The following ICA1L variants were observed in gnomAD, a reference collection of about 807,000 sequenced individuals.
ICA1L encodes the protein islet cell autoantigen 1-like protein.
Under a neutral mutation model 61.3 loss-of-function variants are expected in ICA1L, and 50 were observed. That is an observed-to-expected ratio of 0.82 (90% CI 0.65 to 1.03). ICA1L has a LOEUF of 1.03. Ranked by LOEUF, ICA1L falls within the 50% of genes least tolerant of loss-of-function variation. The pLI is 0.00. For missense variants in ICA1L, 508 were observed against 556.7 expected (o/e 0.91, Z 0.88); for synonymous variants, 161 against 191.3 (o/e 0.84, Z 1.31).
At chr2:202,802,348 A>T (rs1693106101) in intron 9 of ICA1L, among the ~76,000 whole-genome samples, 1 of 152,136 alleles carries the variant, frequency 6.6e-6, no homozygotes, top group Non-Finnish European at 1.5e-5. Context: ...CCATAAGCTT[A>T]TTAGAGTTCT....
chr2:202,803,642 C>T (rs975572984), intron 9 of ICA1L, among the ~76,000 whole-genome samples: 1 of 152,036 alleles, frequency 6.6e-6, no homozygotes. Flanking sequence ...CTCAACTGAT[C>T]GTTCCTCCTC....
rs183782525 is a variant in ICA1L at position 202,795,641 on chromosome 2, C to T, written c.985+1249G>A. ...ACTATGTGGCACTGGTGCATGCACACACCATTTGAAATATAAACAAAGTCT... is the reference window on the plus strand; with the variant it reads ...ACTATGTGGCACTGGTGCATGCACATACCATTTGAAATATAAACAAAGTCT... On this transcript the variant is annotated intron_variant, in intron 10 of 12. Transcript: ENST00000358299. Among the ~76,000 whole-genome samples the T allele has an allele frequency of 2.0e-5, 3 of 152,012 alleles. No homozygotes were observed. In the East Asian group the frequency reaches 5.8e-4, roughly 29 times the overall value.
At chr2:202,808,646 G>A (rs1466225329) in intron 9 of ICA1L, among the ~76,000 whole-genome samples, 4 of 152,214 alleles carry the variant, frequency 2.6e-5, no homozygotes, top group African/African-American at 7.2e-5. Flanking sequence ...GGAGGCCCAG[G>A]CTGAGACCCA....
chr2:202,854,042 A>G (rs1404334225), intron 1 of ICA1L, among the ~76,000 whole-genome samples: 1 of 152,226 alleles, frequency 6.6e-6, no homozygotes, highest in East Asian at 1.9e-4. Flanking sequence ...ACACTTAACA[A>G]TATTAACCTT....
intron 9 of ICA1L, among the ~76,000 whole-genome samples, chr2:202,800,123 T>C (rs924399805): frequency 6.6e-6 from 1 of 151,998 alleles, no homozygotes; most frequent in Non-Finnish European, 1.5e-5. Context: ...CTTGGTGATC[T>C]GCCCGCCTTG....
chr2:202,841,373 C>T (rs1054223333), intron 1 of ICA1L: 11 of 886,674 alleles, frequency 1.2e-5, no homozygotes, highest in Middle Eastern at 2.8e-4. Context: ...ACATGTTGTC[C>T]GTGTTGCTCT....
chr2:202,798,285 T>A (rs1241382891), intron 9 of ICA1L, among the ~76,000 whole-genome samples: 1 of 152,136 alleles, frequency 6.6e-6, no homozygotes, highest in Non-Finnish European at 1.5e-5. Flanking sequence ...TGGAGTGCAA[T>A]GGTGTGATCA....
At chr2:202,828,740 AT>A in intron 2 of ICA1L, 107 bp downstream of exon 2, 1 of 849,152 alleles carries the variant, frequency 1.2e-6, no homozygotes, top group South Asian at 1.6e-5. Context: ...CTATTATCAA[AT>A]TTGCATTTAT....
intron 1 of ICA1L, among the ~76,000 whole-genome samples, chr2:202,855,088 C>A (rs1051527584): frequency 4.3e-4 from 65 of 152,300 alleles, no homozygotes; most frequent in African/African-American, 1.4e-3. Flanking sequence ...TAAAGAAGTT[C>A]TTTGAAACCA....
intron 1 of ICA1L, chr2:202,841,889 G>C: frequency 3.9e-6 from 1 of 254,548 alleles, no homozygotes; most frequent in Non-Finnish European, 7.7e-6. Context: ...ATAGAGTTTT[G>C]TTCTTGTTGC....
chr2:202,788,395 A>G (rs1415671524), intron 11 of ICA1L, among the ~76,000 whole-genome samples: 2 of 152,188 alleles, frequency 1.3e-5, no homozygotes, highest in African/African-American at 2.4e-5. Context: ...CCCAAGGTGC[A>G]GGGTTGGACA....
intron 1 of ICA1L, chr2:202,840,516 G>C (rs1694297059): frequency 1.8e-6 from 1 of 542,372 alleles, no homozygotes; most frequent in Non-Finnish European, 3.6e-6. Flanking sequence ...GCCGAGCTCA[G>C]ACCACCTGCA....
At chr2:202,864,647 G>GTGTGTGTGTGTGTGTGTGTGTA (rs1553539143) in intron 1 of ICA1L, among the ~76,000 whole-genome samples, 2 of 148,652 alleles carry the variant, frequency 1.3e-5, no homozygotes, top group Non-Finnish European at 3.0e-5. Context: ...GTGTGTGTGT[G>GTGTGTGTGTGTGTGTGTGTGTA]TATATATATA....
At chr2:202,785,295 A>C (rs1318411170) in intron 12 of ICA1L, among the ~76,000 whole-genome samples, 2 of 152,118 alleles carry the variant, frequency 1.3e-5, no homozygotes. Flanking sequence ...TTCTTTGTCA[A>C]TAGGCATCCT....
At chr2:202,782,922 T>C (rs374695867) in intron 12 of ICA1L, among the ~76,000 whole-genome samples, 30 of 152,186 alleles carry the variant, frequency 2.0e-4, no homozygotes, top group African/African-American at 7.2e-4. Context: ...AAAGTATAAC[T>C]ATAAGTACTC....
At chr2:202,795,915 C>G (rs1293223074) in intron 10 of ICA1L, among the ~76,000 whole-genome samples, 1 of 151,506 alleles carries the variant, frequency 6.6e-6, no homozygotes, top group Admixed American at 6.6e-5. Flanking sequence ...TGGTGGCGCA[C>G]GCCTGTAATC....
intron 1 of ICA1L, among the ~76,000 whole-genome samples, chr2:202,857,889 C>T (rs1301818232): frequency 7.2e-5 from 11 of 152,098 alleles, no homozygotes; most frequent in Non-Finnish European, 1.6e-4. Flanking sequence ...TCACTGGTCA[C>T]TAGAGAAATG....
intron 1 of ICA1L, among the ~76,000 whole-genome samples, chr2:202,837,538 T>C (rs1373567079): frequency 6.6e-6 from 1 of 152,152 alleles, no homozygotes; most frequent in Non-Finnish European, 1.5e-5. Flanking sequence ...CCCAAAGTGC[T>C]GGGATTACAA....
chr2:202,813,105 C>T (rs1028833875), intron 8 of ICA1L, among the ~76,000 whole-genome samples: 1 of 151,734 alleles, frequency 6.6e-6, no homozygotes, highest in Non-Finnish European at 1.5e-5. Flanking sequence ...CTAAAAAATA[C>T]AGAAACTAGC....
Sources: allele counts gnomAD v4.1 joint callset (sites outside exome capture counted in the v4.1 genomes callset), GRCh38; gene constraint gnomAD v4.1.1; transcripts MANE v1.5; gene names NCBI Gene and HGNC (gene_info 2026-07-23, HGNC 2026-07-21).